Variants in PPP1R21 observed in about 807,000 individuals in gnomAD.
PPP1R21 encodes KLRAQ motif containing 1.
In PPP1R21, 85 loss-of-function variants were observed where a neutral mutation model predicts 112.8. That is an observed-to-expected ratio of 0.75 (90% CI 0.63 to 0.90). PPP1R21 has a LOEUF of 0.90. Ranked by LOEUF, PPP1R21 falls within the 40% of genes least tolerant of loss-of-function variation. The probability of loss-of-function intolerance (pLI) is 0.00; values close to 1 mark genes in which losing one functional copy is unlikely to be tolerated. For synonymous variants in PPP1R21, 381 were observed against 322.3 expected (o/e 1.18, Z -1.95); for missense variants, 1,199 against 901.5 (o/e 1.33, Z -4.23).
At chr2:48,503,195 T>C (rs1670203616) in intron 17 of PPP1R21, among the ~76,000 whole-genome samples, 1 of 152,200 alleles carries the variant, frequency 6.6e-6, no homozygotes, top group African/African-American at 2.4e-5. Flanking sequence ...TTTAAACATA[T>C]ATTTTAAGTA....
At chr2:48,442,646 AC>A (rs1449221713) in intron 1 of PPP1R21, among the ~76,000 whole-genome samples, 3 of 152,344 alleles carry the variant, frequency 2.0e-5, no homozygotes, top group African/African-American at 7.2e-5. Context: ...CAGTGGGACT[AC>A]CGAAGACATT....
intron 21 of PPP1R21, among the ~76,000 whole-genome samples, chr2:48,511,910 T>C (rs550359934): frequency 8.5e-5 from 13 of 152,248 alleles, no homozygotes; most frequent in Admixed American, 8.5e-4. Flanking sequence ...TAATTTTCCT[T>C]AATATCATTT....
Position 48,456,497 on chromosome 2 carries a change from A to G in PPP1R21, c.274-1629A>G, listed in dbSNP as rs111558151. 1.1e-3 allele frequency among the ~76,000 whole-genome samples: 166 copies of G among 152,304 alleles called. 2 individuals are homozygous for G. Among genetic ancestry groups the G allele is most frequent in the African/African-American group, 3.7e-3 (152 of 41,572 alleles). ...ATCTGTGACTTTCGGCACAATTTTT[A>G]ACCTTGTAATCTTAGTTTCTCCATC... On this transcript the variant is annotated intron_variant, in intron 3 of 21. Coordinates refer to ENST00000294952, the MANE Select transcript of PPP1R21 (RefSeq NM_001135629.3).
rs1669954451 is a variant in PPP1R21, at chr2:48,498,552, G to T, written c.1752G>T (p.Leu584Phe). The change falls in exon 17 of 22, where the codon TTG (leucine) becomes TTT (phenylalanine). Residue 584 changes from leucine to phenylalanine, a missense_variant. Leu to Phe is a conservative substitution (Grantham distance 22, BLOSUM62 0). Coordinates refer to ENST00000294952, the MANE Select transcript of PPP1R21 (RefSeq NM_001135629.3). ...KLEQEKEHWMLEAQLAKIKLE... is the reference protein window; with the variant it reads ...KLEQEKEHWMFEAQLAKIKLE... ...AGCAGGAAAAAGAACATTGGATGTT[G>T]GAAGCACAATTAGCCAAAATCAAGC... 4 of 1,614,012 alleles carry T rather than the reference G, an allele frequency of 2.5e-6. No homozygotes were observed. In the South Asian group the frequency reaches 4.4e-5, roughly 18 times the overall value.
At chr2:48,508,662 T>C (rs1432744213) in intron 19 of PPP1R21, among the ~76,000 whole-genome samples, 2 of 152,232 alleles carry the variant, frequency 1.3e-5, no homozygotes, top group Non-Finnish European at 2.9e-5. Flanking sequence ...TCAGACTTGA[T>C]TGTCCTTTTC....
intron 9 of PPP1R21, among the ~76,000 whole-genome samples, chr2:48,469,426 T>TAGAGCATATATATATAGAGAG (rs1668378773): frequency 9.6e-6 from 1 of 104,374 alleles, no homozygotes; most frequent in African/African-American, 3.6e-5. Flanking sequence ...CATATATATA[T>TAGAGCATATATATATAGAGAG]AGAGCATATA....
In PPP1R21 at chr2:48,461,179, G is replaced by A; in HGVS notation, c.641G>A (p.Arg214Lys). The A allele has an allele frequency of 6.3e-7, 1 of 1,582,530 alleles. No individual in the cohort carries two copies. Among genetic ancestry groups the A allele is most frequent in the South Asian group, 1.2e-5 (1 of 84,022 alleles). The change falls in exon 7 of 22, where the codon AGA (arginine) becomes AAA (lysine). Residue 214 changes from arginine (R) to lysine (K), a missense_variant. By Grantham distance (26) the Arg-to-Lys change is conservative. Coordinates refer to ENST00000294952, the MANE Select transcript of PPP1R21 (RefSeq NM_001135629.3). ...LKTLHEDLSGRLEESLSIINE... is the reference protein window; with the variant it reads ...LKTLHEDLSGKLEESLSIINE... ...ACTCTTCATGAAGATTTGTCAGGTA[G>A]ATTAGAGGAATCCTTATCAATCATC...
At chr2:48,492,950 A>T (rs983642478) in intron 15 of PPP1R21, among the ~76,000 whole-genome samples, 1 of 151,840 alleles carries the variant, frequency 6.6e-6, no homozygotes, top group African/African-American at 2.4e-5. Context: ...AATGAGGTGG[A>T]ACATCCTTTC....
chr2:48,474,227 A>C (rs1668642989), intron 11 of PPP1R21, among the ~76,000 whole-genome samples: 1 of 151,710 alleles, frequency 6.6e-6, no homozygotes, highest in Non-Finnish European at 1.5e-5. Context: ...TACTGAAAGT[A>C]CAAAAATTAG....
intron 12 of PPP1R21, among the ~76,000 whole-genome samples, chr2:48,476,463 A>G (rs1668758793): frequency 6.6e-6 from 1 of 152,170 alleles, no homozygotes; most frequent in Non-Finnish European, 1.5e-5. Context: ...TTTGGGGTGT[A>G]TACCTAGGAA....
chr2:48,486,862 G>C, intron 14 of PPP1R21, 104 bp downstream of exon 14: 1 of 1,257,296 alleles, frequency 8.0e-7, no homozygotes, highest in Non-Finnish European at 1.1e-6. Flanking sequence ...GTAATATAAG[G>C]GTTTACTGTA....
At chr2:48,500,568 AAAC>A (rs952092226) in intron 17 of PPP1R21, among the ~76,000 whole-genome samples, 6 of 152,190 alleles carry the variant, frequency 3.9e-5, no homozygotes, top group Middle Eastern at 3.2e-3. Flanking sequence ...TAAAACCTAA[AAAC>A]AACAACAACA....
At chr2:48,500,911 C>T (rs1036635055) in intron 17 of PPP1R21, among the ~76,000 whole-genome samples, 1 of 151,208 alleles carries the variant, frequency 6.6e-6, no homozygotes, top group East Asian at 1.9e-4. Context: ...TCTGTCTCTA[C>T]AAAAAAAAAC....
At chr2:48,501,314 T>C (rs1248356575) in intron 17 of PPP1R21, among the ~76,000 whole-genome samples, 2 of 152,214 alleles carry the variant, frequency 1.3e-5, no homozygotes, top group East Asian at 1.9e-4. Flanking sequence ...CCCAGCTCCA[T>C]TGCCTGTATC....
chr2:48,474,606 GA>G (rs1424695941), intron 11 of PPP1R21, 76 bp from the exon 12 acceptor site: 2 of 1,313,538 alleles, frequency 1.5e-6, no homozygotes, highest in African/African-American at 3.0e-5. Context: ...ATAGTTGTTT[GA>G]GAACTTGGTT....
chr2:48,508,655 G>C (rs1168595750), intron 19 of PPP1R21, among the ~76,000 whole-genome samples: 1 of 152,206 alleles, frequency 6.6e-6, no homozygotes, highest in East Asian at 1.9e-4. Context: ...TAGTGTCTCA[G>C]ACTTGATTGT....
At chr2:48,492,293 T>C (rs1669601690) in intron 15 of PPP1R21, among the ~76,000 whole-genome samples, 1 of 151,988 alleles carries the variant, frequency 6.6e-6, no homozygotes, top group Admixed American at 6.5e-5. Context: ...AAACAAAGAA[T>C]TTTTCTTCCT....
intron 3 of PPP1R21, among the ~76,000 whole-genome samples, chr2:48,455,716 A>G (rs1023552087): frequency 1.3e-5 from 2 of 151,888 alleles, no homozygotes; most frequent in African/African-American, 4.8e-5. Flanking sequence ...AAGCGTTACT[A>G]CTCATATGAA....
chr2:48,450,648 A>G (rs1177156721), intron 1 of PPP1R21, among the ~76,000 whole-genome samples: 1 of 152,236 alleles, frequency 6.6e-6, no homozygotes, highest in Non-Finnish European at 1.5e-5. Context: ...AATTTCAAGG[A>G]ACATGGCATA....
Sources: allele counts gnomAD v4.1 joint callset (sites outside exome capture counted in the v4.1 genomes callset), GRCh38; gene constraint gnomAD v4.1.1; transcripts MANE v1.5; gene names NCBI Gene and HGNC (gene_info 2026-07-23, HGNC 2026-07-21).